The following STXBP2 variants were observed in gnomAD, a reference collection of about 807,000 sequenced individuals.
STXBP2 encodes the protein syntaxin-binding protein 2.
STXBP2 carries 47 observed loss-of-function variants against 72.2 expected under a neutral mutation model. That is an observed-to-expected ratio of 0.65 (90% CI 0.51 to 0.83). The LOEUF (loss-of-function observed/expected upper bound fraction) is 0.83. STXBP2 is among the 40% of genes least tolerant of loss of function. The pLI is 0.00. For missense variants in STXBP2, 702 were observed against 807.6 expected, an observed-to-expected ratio of 0.87 and a Z score of 1.58; for synonymous variants, 367 against 338.7, an observed-to-expected ratio of 1.08 and a Z score of -0.92.
chr19:7,630,509 G>A, the STXBP2 span: 2 of 1,332,360 alleles, frequency 1.5e-6, no homozygotes, highest in Non-Finnish European at 2.1e-6. Flanking sequence ...GGTCCCCCAG[G>A]CTCTGAGGAG....
intron 4 of STXBP2, chr19:7,640,386 GTC>G (rs1464632004): frequency 8.8e-6 from 5 of 570,910 alleles, no homozygotes; most frequent in East Asian, 3.9e-5. Context: ...GCGCATCAGT[GTC>G]TGCATGTGTG....
At chr19:7,644,437 A>C (rs1021831554) in intron 13 of STXBP2, 177 bp from the exon 14 acceptor site, 55 of 772,952 alleles carry the variant, frequency 7.1e-5, no homozygotes, top group Admixed American at 4.8e-5. Flanking sequence ...GGTGAGGAGC[A>C]GGGCCTGTGG....
the STXBP2 span, chr19:7,630,406 G>A: frequency 9.6e-6 from 6 of 623,854 alleles, no homozygotes; most frequent in African/African-American, 1.1e-4. Context: ...TAGGAGTTAG[G>A]TTTTAGGGTG....
chr19:7,639,169 G>T, intron 3 of STXBP2, 69 bp downstream of exon 3: 2 of 1,529,678 alleles, frequency 1.3e-6, no homozygotes, highest in East Asian at 2.3e-5. Context: ...CCTCTCCCAG[G>T]GTTCAGCCCT....
chr19:7,633,628 ATTGT>A (rs2031427741), upstream of STXBP2: 2 of 654,036 alleles, frequency 3.1e-6, no homozygotes, highest in African/African-American at 3.7e-5. Flanking sequence ...CATCCAGATA[ATTGT>A]TTGCCCACAA....
At chr19:7,634,150 A>G (rs938009220), upstream of STXBP2, among the ~76,000 whole-genome samples, 6 of 152,070 alleles carry the variant, frequency 3.9e-5, no homozygotes, top group African/African-American at 1.4e-4. Flanking sequence ...CCTCTCCTCT[A>G]TCACCCTAGC....
rs34153991 is a variant in STXBP2 at position 7,640,500 on chromosome 19, CTGTG to C, written c.247-222_247-219del. ...TGCATGTGTGTATGTGTGTGTGCAT[CTGTG>C]TGTGTGTGCATGTGTGCATGCGTGT... is the stretch of plus-strand genomic sequence containing the variant. On this transcript the variant is annotated intron_variant, in intron 4 of 18. Transcript: ENST00000221283. 3.3e-3 allele frequency: 1,969 copies of C among 588,468 alleles called. 31 individuals are homozygous for C. The highest frequency in any genetic ancestry group is 0.033 in the African/African-American group (1,712 of 51,396). The allele number at this position is 588,468 out of a possible 1,614,324, so 36.5% of individuals were successfully genotyped here.
chr19:7,646,204 T>G, intron 15 of STXBP2, 45 bp from the exon 16 acceptor site: 1 of 1,536,466 alleles, frequency 6.5e-7, no homozygotes. Context: ...GTGACCAGCC[T>G]CCTTCCCCTC....
At chr19:7,645,030 C>G (rs924737310) in intron 14 of STXBP2, 167 bp from the exon 15 acceptor site, 32 of 1,457,622 alleles carry the variant, frequency 2.2e-5, no homozygotes, top group Non-Finnish European at 2.6e-5. Flanking sequence ...TGATCTACCC[C>G]CTCCAGGTTT....
At chr19:7,630,585 C>A in the STXBP2 span, 1 of 1,536,992 alleles carries the variant, frequency 6.5e-7, no homozygotes, top group Admixed American at 2.0e-5. Flanking sequence ...GATAATCTAC[C>A]TCACTTTCCC....
At chr19:7,632,395 T>C (rs556684470), upstream of STXBP2, 371 of 1,613,854 alleles carry the variant, frequency 2.3e-4, 3 homozygotes, top group South Asian at 3.3e-3. The surrounding 1 kb of genome is among the most constrained non-coding windows in gnomAD (Gnocchi z 5.2). Flanking sequence ...TCACCTACCT[T>C]GGACCCCACG....
intron 16 of STXBP2, 147 bp downstream of exon 16, chr19:7,646,491 G>A: frequency 1.2e-6 from 1 of 816,266 alleles, no homozygotes; most frequent in Non-Finnish European, 2.1e-6. Context: ...CTGCTGAGGG[G>A]GGCACGCCAA....
rs139200597 is a variant in STXBP2 at position 7,647,257 on chromosome 19, C to T, written c.1538+10C>T. Reference sequence around the variant, plus strand: ...CCCAGGCCGCTGTCAGGTGAGGCCCCGGGGCCGCCCCCGCCCACGCCTGGG... The same window carrying T: ...CCCAGGCCGCTGTCAGGTGAGGCCCTGGGGCCGCCCCCGCCCACGCCTGGG... On this transcript the variant is annotated intron_variant, in intron 17 of 18. Transcript: ENST00000221283. 5,273 of 1,610,392 alleles carry T rather than the reference C, an allele frequency of 3.3e-3. 11 individuals carry two copies. The highest frequency in any genetic ancestry group is 4.0e-3 in the Non-Finnish European group (4,750 of 1,179,222).
intron 6 of STXBP2, 135 bp from the exon 7 acceptor site, chr19:7,641,570 C>T (rs2031876975): frequency 8.1e-6 from 10 of 1,227,860 alleles, no homozygotes; most frequent in Non-Finnish European, 1.2e-5. Flanking sequence ...TTGACCTGGG[C>T]CTGCCTCCAA....
At chr19:7,633,487 G>T (rs1179144144), upstream of STXBP2, 5 of 1,561,426 alleles carry the variant, frequency 3.2e-6, no homozygotes, top group African/African-American at 5.4e-5. Context: ...TTTTCTGCTG[G>T]CCTCTGCCCC....
upstream of STXBP2, chr19:7,633,556 C>T: frequency 8.3e-7 from 1 of 1,198,140 alleles, no homozygotes; most frequent in Non-Finnish European, 1.2e-6. Context: ...GGATTCCCCC[C>T]ATCCCCAAAT....
At chr19:7,635,098 A>G (rs114527293), upstream of STXBP2, among the ~76,000 whole-genome samples, 1,428 of 152,234 alleles carry the variant, frequency 9.4e-3, 24 homozygotes, top group African/African-American at 0.031. Flanking sequence ...AGTACTTCAT[A>G]TCTTTTGGGG....
intron 15 of STXBP2, 78 bp downstream of exon 15, chr19:7,645,384 T>G: frequency 7.5e-7 from 1 of 1,330,890 alleles, no homozygotes; most frequent in African/African-American, 1.5e-5. Flanking sequence ...CAGAGGGCCA[T>G]TGGTGCACAG....
intron 6 of STXBP2, 91 bp downstream of exon 6, chr19:7,641,094 G>C (rs767425998): frequency 7.3e-7 from 1 of 1,364,586 alleles, no homozygotes; most frequent in Non-Finnish European, 1.0e-6. Context: ...GCTGGGCGCA[G>C]TGGCTCATAC....
Sources: gnomAD v4.1 joint callset for allele counts (sites outside exome capture counted in the v4.1 genomes callset) on GRCh38, gnomAD v4.1.1 for gene constraint, Gnocchi (gnomAD v3.1) non-coding constraint, MANE v1.5 for transcripts, NCBI Gene and HGNC (gene_info 2026-07-23, HGNC 2026-07-21) for gene names.